The following FRMD4B variants were observed in gnomAD, a reference collection of about 807,000 sequenced individuals.
The protein encoded by FRMD4B is FERM domain-containing protein 4B.
In FRMD4B, 74 loss-of-function variants were observed where a neutral mutation model predicts 141.5. The ratio of observed to expected loss-of-function variants is 0.52; its 90% CI spans 0.43 to 0.63. FRMD4B has a LOEUF of 0.63. Ranked by LOEUF, FRMD4B falls within the 30% of genes least tolerant of loss-of-function variation. The pLI is 0.00. For synonymous variants in FRMD4B, 506 were observed against 467.9 expected (o/e 1.08, Z -1.05); for missense variants, 1,366 against 1,253.4 (o/e 1.09, Z -1.36).
At chr3:69,218,412 TA>T in intron 9 of FRMD4B, 33 bp from the exon 10 acceptor site, 1 of 1,012,820 alleles carries the variant, frequency 9.9e-7, no homozygotes, top group Non-Finnish European at 1.5e-6. Context: ...ACAATCTTAT[TA>T]AAATAGTTAG....
intron 1 of FRMD4B, among the ~76,000 whole-genome samples, chr3:69,368,924 G>A (rs1703748094): frequency 6.6e-6 from 1 of 152,174 alleles, no homozygotes; most frequent in Admixed American, 6.5e-5. Flanking sequence ...GCCTCCCAAA[G>A]TGCCGGGATT....
intron 3 of FRMD4B, among the ~76,000 whole-genome samples, chr3:69,308,021 C>G (rs1701450303): frequency 6.6e-6 from 1 of 152,132 alleles, no homozygotes. Context: ...TCTCATCTCC[C>G]CTCCCATCTA....
intron 1 of FRMD4B, among the ~76,000 whole-genome samples, chr3:69,354,194 G>A (rs1212043710): frequency 1.3e-5 from 2 of 152,146 alleles, no homozygotes; most frequent in African/African-American, 4.8e-5. Context: ...GCAGAATGAC[G>A]TGGTCTCAGA....
chr3:69,268,159 C>T (rs1356026915), intron 5 of FRMD4B, among the ~76,000 whole-genome samples: 1 of 151,902 alleles, frequency 6.6e-6, no homozygotes, highest in African/African-American at 2.4e-5. Context: ...GAGACTGGCT[C>T]CACCATTCTG....
At chr3:69,491,141 A>C (rs1012681350) in intron 1 of FRMD4B, among the ~76,000 whole-genome samples, 2 of 152,252 alleles carry the variant, frequency 1.3e-5, no homozygotes, top group Non-Finnish European at 2.9e-5. Flanking sequence ...CTTCCAATGC[A>C]AGGAAAATCA....
chr3:69,353,810 G>C, intron 1 of FRMD4B: 1 of 514,942 alleles, frequency 1.9e-6, no homozygotes, highest in Non-Finnish European at 2.5e-6. Flanking sequence ...TATGAGTCAC[G>C]GGAGAAATGG....
chr3:69,347,350 G>T (rs1440349749), intron 1 of FRMD4B, among the ~76,000 whole-genome samples: 2 of 152,076 alleles, frequency 1.3e-5, no homozygotes, highest in Non-Finnish European at 2.9e-5. Flanking sequence ...TAGAGACCTA[G>T]AAAGAGACTT....
chr3:69,388,247 C>A (rs1040055679), upstream of FRMD4B, among the ~76,000 whole-genome samples: 2 of 152,112 alleles, frequency 1.3e-5, no homozygotes, highest in African/African-American at 4.8e-5. Context: ...GCTATCTGTG[C>A]GTAGGTCTAA....
rs2092649622 is a variant in FRMD4B, at chr3:69,176,663, A to G, written c.2852-7T>C. Reference sequence around the variant, plus strand: ...GAAGCATTTGTAGAAGACACTGGAAATAAAAATGGAAAAAGATAAAATTAA... The same window carrying G: ...GAAGCATTTGTAGAAGACACTGGAAGTAAAAATGGAAAAAGATAAAATTAA... On this transcript the variant is annotated splice_polypyrimidine_tract_variant and splice_region_variant and intron_variant, in intron 21 of 22. Coordinates refer to ENST00000398540, the MANE Select transcript of FRMD4B (RefSeq NM_015123.3). The G allele has an allele frequency of 1.3e-6, 2 of 1,586,116 alleles. No homozygotes were observed. Among genetic ancestry groups the G allele is most frequent in the Non-Finnish European group, 1.7e-6 (2 of 1,156,476 alleles).
intron 11 of FRMD4B, chr3:69,200,452 A>G (rs1352836974): frequency 2.0e-6 from 2 of 993,546 alleles, no homozygotes; most frequent in African/African-American, 3.5e-5. Context: ...AAATGTGAGG[A>G]AAAACCTCAG....
Position 69,437,721 on chromosome 3 carries a change from T to C in FRMD4B, c.-128-4960A>G, listed in dbSNP as rs186092435. Among the ~76,000 whole-genome samples, 235 of 130,732 alleles carry C rather than the reference T, an allele frequency of 1.8e-3. 2 individuals carry two copies. Among genetic ancestry groups the C allele is most frequent in the Middle Eastern group, 6.8e-3 (1 of 146 alleles). The allele number at this position is 130,732 out of a possible 152,430, so 85.8% of individuals were successfully genotyped here. A position where few individuals can be genotyped will look rare whatever the true frequency, so the allele number is the denominator to read the frequency against. On this transcript the variant is annotated intron_variant, in intron 1 of 5. Coordinates refer to the FRMD4B transcript ENST00000459638. The stretch of plus-strand genomic sequence containing the variant: ...ATATACTATATAAATATAATATATA[T>C]AAATACATATTATATACAATACTAT...
chr3:69,242,006 C>T (rs1032946203), intron 7 of FRMD4B, among the ~76,000 whole-genome samples: 1 of 152,202 alleles, frequency 6.6e-6, no homozygotes, highest in Non-Finnish European at 1.5e-5. Flanking sequence ...TAGTAAGCTA[C>T]TTAACAGCTA....
At chr3:69,234,844 A>G (rs558093648) in intron 7 of FRMD4B, among the ~76,000 whole-genome samples, 1 of 152,230 alleles carries the variant, frequency 6.6e-6, no homozygotes, top group African/African-American at 2.4e-5. Flanking sequence ...AATAGGATAA[A>G]CACAACATAA....
intron 11 of FRMD4B, among the ~76,000 whole-genome samples, chr3:69,209,507 G>A (rs946616417): frequency 1.3e-5 from 2 of 152,168 alleles, no homozygotes; most frequent in Admixed American, 1.3e-4. Flanking sequence ...GTGGACAGCA[G>A]ACAAGAGTTA....
chr3:69,267,437 T>G (rs568010752), intron 5 of FRMD4B, among the ~76,000 whole-genome samples: 2 of 152,122 alleles, frequency 1.3e-5, no homozygotes, highest in East Asian at 3.9e-4. Flanking sequence ...GACTGTATAT[T>G]AAACACAATT....
At position 69,325,085 on chromosome 3, in the gene FRMD4B, A is replaced by AAAAG. The variant is rs1553724230; in HGVS notation, c.163-11572_163-11569dup. Among the ~76,000 whole-genome samples, 333 of 80,012 alleles carry AAAAG rather than the reference A, an allele frequency of 4.2e-3. 2 individuals carry two copies. Among genetic ancestry groups the AAAAG allele is most frequent in the African/African-American group, 0.014 (298 of 21,496 alleles). The allele number at this position is 80,012 out of a possible 152,430, so 52.5% of individuals were successfully genotyped here. A position where few individuals can be genotyped will look rare whatever the true frequency, so the allele number is the denominator to read the frequency against. On this transcript the variant is annotated intron_variant, in intron 1 of 22. Coordinates refer to ENST00000398540, the MANE Select transcript of FRMD4B (RefSeq NM_015123.3). ...CAGTGAGATACTGTCTAAAAAAAAA[A>AAAAG]AAAGAAAGAAAGAAAGAAAGAAAGA...
chr3:69,182,112 G>A (rs905529425), intron 20 of FRMD4B, among the ~76,000 whole-genome samples: 21 of 152,318 alleles, frequency 1.4e-4, no homozygotes, highest in African/African-American at 4.6e-4. Context: ...GGAGGTCAGA[G>A]GTGGCTGGGC....
Position 69,372,051 on chromosome 3 carries a change from G to A in FRMD4B, c.162+13777C>T, listed in dbSNP as rs751893636. On this transcript the variant is annotated intron_variant, in intron 1 of 22. Coordinates refer to ENST00000398540, the MANE Select transcript of FRMD4B (RefSeq NM_015123.3). ...CCTTAACATTTCTTGCAACACTTTG[G>A]CCACTCCACTGTGCTCTCCATTCCT... 4.3e-4 allele frequency among the ~76,000 whole-genome samples: 66 copies of A among 152,076 alleles called. 1 individual carries two copies. Among genetic ancestry groups the A allele is most frequent in the Non-Finnish European group, 3.2e-4 (22 of 68,026 alleles).
intron 1 of FRMD4B, among the ~76,000 whole-genome samples, chr3:69,334,856 C>T (rs1029805133): frequency 5.3e-5 from 8 of 152,160 alleles, no homozygotes; most frequent in African/African-American, 1.4e-4. Flanking sequence ...GTCAAGTGCT[C>T]CTCTCTCAAA....
Sources: allele counts gnomAD v4.1 joint callset (sites outside exome capture counted in the v4.1 genomes callset), GRCh38; gene constraint gnomAD v4.1.1; transcripts MANE v1.5; gene names NCBI Gene and HGNC (gene_info 2026-07-23, HGNC 2026-07-21).